ANKRD45: variants seen among roughly 807,000 people sequenced by gnomAD.
ANKRD45 encodes the protein ankyrin repeat domain 45.
ANKRD45 carries 21 observed loss-of-function variants against 28.1 expected under a neutral mutation model. That is an observed-to-expected ratio of 0.75 (90% CI 0.53 to 1.08). The LOEUF (loss-of-function observed/expected upper bound fraction) is 1.08, where lower values mean the gene tolerates loss of function less well. ANKRD45 is among the 50% of genes least tolerant of loss of function. ANKRD45 has a pLI of 0.00. For missense variants in ANKRD45, 261 were observed against 308.7 expected, an observed-to-expected ratio of 0.85 and a Z score of 1.16; for synonymous variants, 86 against 103.9, an observed-to-expected ratio of 0.83 and a Z score of 1.05.
chr1:173,706,493 C>A, the ANKRD45 span, among the ~76,000 whole-genome samples: 2 of 151,644 alleles, frequency 1.3e-5, no homozygotes, highest in Non-Finnish European at 2.9e-5. Context: ...TGCCCACGAC[C>A]ATGCATGGCT....
rs891382352 is a variant in ANKRD45, at chr1:173,646,793, G to A, written c.496+53C>T. 6.4e-6 allele frequency: 10 copies of A among 1,565,952 alleles called. No individual in the cohort carries two copies. The African/African-American group carries it at 6.8e-5, about 11-fold the overall frequency. On this transcript the variant is annotated intron_variant, in intron 3 of 5. Coordinates refer to ENST00000333279, the MANE Select transcript of ANKRD45 (RefSeq NM_198493.3). ...AGGTGACATATCCTGTAACTCATAG[G>A]AGAAAAACTCATCACATCAGTCAGT...
At chr1:173,619,316 A>G (rs948188211) in intron 5 of ANKRD45, among the ~76,000 whole-genome samples, 2 of 152,248 alleles carry the variant, frequency 1.3e-5, no homozygotes, top group African/African-American at 4.8e-5. Context: ...AATGGGCTAA[A>G]TGCCCCAATT....
the ANKRD45 span, among the ~76,000 whole-genome samples, chr1:173,698,690 A>G: frequency 1.3e-5 from 2 of 152,250 alleles, no homozygotes; most frequent in African/African-American, 4.8e-5. Flanking sequence ...GGAAATTTAT[A>G]GCAATAAATG....
the ANKRD45 span, among the ~76,000 whole-genome samples, chr1:173,709,361 T>C: frequency 2.0e-5 from 3 of 152,176 alleles, no homozygotes; most frequent in African/African-American, 7.2e-5. Context: ...CAGCTCACAA[T>C]ATGGTAGCTT....
chr1:173,664,342 A>G (rs528814619), intron 1 of ANKRD45, among the ~76,000 whole-genome samples: 22 of 152,354 alleles, frequency 1.4e-4, no homozygotes, highest in Non-Finnish European at 1.3e-4. Context: ...AATCTTTTGA[A>G]ACATTTCTGC....
chr1:173,650,805 G>A (rs1419223675), intron 2 of ANKRD45, among the ~76,000 whole-genome samples: 1 of 152,154 alleles, frequency 6.6e-6, no homozygotes, highest in African/African-American at 2.4e-5. Context: ...GTGTGAGATG[G>A]TATCTCATTG....
intron 5 of ANKRD45, among the ~76,000 whole-genome samples, chr1:173,618,065 TAAAAGAAA>T (rs761777017): frequency 2.6e-5 from 4 of 151,784 alleles, no homozygotes; most frequent in Non-Finnish European, 4.4e-5. Context: ...GCCTGACTTT[TAAAAGAAA>T]AACACACAAA....
intron 5 of ANKRD45, among the ~76,000 whole-genome samples, chr1:173,624,124 AT>A (rs1450545654): frequency 6.6e-6 from 1 of 152,120 alleles, no homozygotes; most frequent in Non-Finnish European, 1.5e-5. Context: ...AAGGAAAAAA[AT>A]AAATATAAAT....
intron 3 of ANKRD45, chr1:173,635,918 TGA>T (rs1668418199): frequency 8.9e-7 from 1 of 1,127,354 alleles, no homozygotes; most frequent in Non-Finnish European, 1.2e-6. Flanking sequence ...CTAGTTTCTT[TGA>T]GAGAGGGTAC....
chr1:173,692,152 G>C, the ANKRD45 span, among the ~76,000 whole-genome samples: 1 of 152,170 alleles, frequency 6.6e-6, no homozygotes, highest in Non-Finnish European at 1.5e-5. Flanking sequence ...AAGTTTAAAA[G>C]TAGAAAGTTT....
intron 3 of ANKRD45, among the ~76,000 whole-genome samples, chr1:173,637,504 G>T (rs1668501796): frequency 6.6e-6 from 1 of 152,158 alleles, no homozygotes; most frequent in African/African-American, 2.4e-5. Context: ...TTCCTTATTT[G>T]TAAGTGTTTT....
intron 2 of ANKRD45, chr1:173,658,529 G>T (rs894081172): frequency 6.6e-6 from 1 of 152,148 alleles, no homozygotes; most frequent in African/African-American, 2.4e-5. Context: ...TGAGCATGAA[G>T]AGAATGTATA....
At chr1:173,680,542 G>A in the ANKRD45 span, among the ~76,000 whole-genome samples, 2 of 151,856 alleles carry the variant, frequency 1.3e-5, no homozygotes, top group Admixed American at 6.6e-5. Flanking sequence ...CTTGTTTGGG[G>A]GTGACAGGTT....
the ANKRD45 span, among the ~76,000 whole-genome samples, chr1:173,678,953 T>C: frequency 6.6e-6 from 1 of 152,140 alleles, no homozygotes; most frequent in Non-Finnish European, 1.5e-5. Context: ...TCACTATTGC[T>C]ACAAAGAAAA....
chr1:173,644,551 A>G (rs759202899), intron 3 of ANKRD45, among the ~76,000 whole-genome samples: 1 of 152,204 alleles, frequency 6.6e-6, no homozygotes, highest in Non-Finnish European at 1.5e-5. Context: ...TAAGGACTCA[A>G]ATTAAACAGA....
chr1:173,673,980 T>G (rs1053796227), upstream of ANKRD45, among the ~76,000 whole-genome samples: 1 of 152,086 alleles, frequency 6.6e-6, no homozygotes, highest in African/African-American at 2.4e-5. Context: ...CTTTTCTGGT[T>G]AGTGAACTCC....
chr1:173,689,484 T>G, the ANKRD45 span, among the ~76,000 whole-genome samples: 2 of 152,270 alleles, frequency 1.3e-5, no homozygotes, highest in East Asian at 3.9e-4. Flanking sequence ...GAAGCTCACT[T>G]AGAGGACGGT....
chr1:173,699,200 A>C, the ANKRD45 span, among the ~76,000 whole-genome samples: 1 of 152,214 alleles, frequency 6.6e-6, no homozygotes, highest in East Asian at 1.9e-4. Context: ...AACCAAAAAA[A>C]GTCCAGGACC....
intron 5 of ANKRD45, among the ~76,000 whole-genome samples, chr1:173,614,128 CTG>C (rs1391758925): frequency 2.6e-5 from 4 of 152,160 alleles, no homozygotes; most frequent in Admixed American, 1.3e-4. Flanking sequence ...GACACAAACA[CTG>C]TGGAAGGCTG....
Sources: gnomAD v4.1 joint callset for allele counts (sites outside exome capture counted in the v4.1 genomes callset) on GRCh38, gnomAD v4.1.1 for gene constraint, MANE v1.5 for transcripts, NCBI Gene and HGNC (gene_info 2026-07-23, HGNC 2026-07-21) for gene names.